Variants in U2AF1L4 observed in about 807,000 individuals in gnomAD.
The protein encoded by U2AF1L4 is U2 small nuclear RNA auxiliary factor 1 like 4.
In U2AF1L4, 21 loss-of-function variants were observed where a neutral mutation model predicts 21.7. The observed-to-expected ratio is 0.97, with a 90% CI of 0.69 to 1.39. The LOEUF (loss-of-function observed/expected upper bound fraction) is 1.39. Among genes scored for constraint, U2AF1L4 ranks in the 40% most tolerant of loss-of-function variants. The pLI, the probability that U2AF1L4 is intolerant of heterozygous loss-of-function variation, is 0.00. For synonymous variants in U2AF1L4, 92 were observed against 89.7 expected, an observed-to-expected ratio of 1.03 and a Z score of -0.15; for missense variants, 259 against 245.7, an observed-to-expected ratio of 1.05 and a Z score of -0.36.
intron 3 of U2AF1L4, 76 bp downstream of exon 3, chr19:35,744,247 C>G: frequency 1.9e-6 from 3 of 1,606,742 alleles, no homozygotes; most frequent in Non-Finnish European, 2.6e-6. Flanking sequence ...GAAATTCAAG[C>G]TGAGAGCCTA....
At chr19:35,744,187 A>G (rs1970440964) in intron 3 of U2AF1L4, 42 bp from the exon 4 acceptor site, 1 of 1,609,930 alleles carries the variant, frequency 6.2e-7, no homozygotes, top group East Asian at 2.2e-5. Context: ...GAACTCAGAG[A>G]TCTTCAGGGG....
Position 35,744,517 on chromosome 19 carries a change from G to A in U2AF1L4, c.133-96C>T, listed in dbSNP as rs761760685. 3.1e-6 allele frequency: 5 copies of A among 1,603,514 alleles called. No homozygotes were observed. The Admixed American group carries it at 6.8e-5, about 22-fold the overall frequency. ...TCGAAGAAGCTATCATAGTGCTCCT[G>A]CACCTCCACGTCACTCACATGACCT... is the stretch of plus-strand genomic sequence containing the variant. On this transcript the variant is annotated intron_variant, in intron 2 of 5. Transcript: ENST00000378975.
Position 35,745,375 on chromosome 19 carries a change from G to T in U2AF1L4, c.17C>A (p.Ala6Asp). The T allele has an allele frequency of 1.2e-6, 2 of 1,613,690 alleles. No homozygotes were observed. Among genetic ancestry groups the T allele is most frequent in the Non-Finnish European group, 1.7e-6 (2 of 1,179,832 alleles). MAEYL[A>D]SIFGTEKDKV... ...GTCCTTCTCAGTCCCGAATATCGAA[G>T]CTAAATATTCAGCCATTTTTACCCA... Residue 6 changes from alanine (A) to aspartate (D), a missense_variant, in exon 1 of 6, where the codon GCT becomes GAT. Ala to Asp is a moderately radical substitution (Grantham distance 126). Coordinates refer to ENST00000378975, the MANE Select transcript of U2AF1L4 (RefSeq NM_001040425.3).
chr19:35,745,237 T>C (rs760200627), intron 1 of U2AF1L4, 25 bp from the exon 2 acceptor site: 2 of 1,611,436 alleles, frequency 1.2e-6, no homozygotes, highest in East Asian at 4.5e-5. Flanking sequence ...AAGACAAAGG[T>C]GAACCGAGGG....
chr19:35,744,306 T>TG lies in U2AF1L4; in HGVS notation c.231+16dup, dbSNP rs779652566. The TG allele has an allele frequency of 4.3e-6, 7 of 1,613,700 alleles. No homozygotes were observed. The Admixed American group carries it at 5.0e-5, about 12-fold the overall frequency. ...AACGCCTCCACTTCTGGGCCCTAAG[T>TG]GGGGGGCAGCAAGCACCTTGACATA... On this transcript the variant is annotated intron_variant, in intron 3 of 5. Coordinates refer to ENST00000378975, the MANE Select transcript of U2AF1L4 (RefSeq NM_001040425.3).
rs141464623 is a variant in U2AF1L4, at chr19:35,742,767, T to A, written c.498A>T (p.Arg166=). The A allele has an allele frequency of 3.1e-6, 5 of 1,610,170 alleles. No homozygotes were observed. Among genetic ancestry groups the A allele is most frequent in the Non-Finnish European group, 4.2e-6 (5 of 1,179,236 alleles). ...PPRFHTGHHP[R]ERNHRCSPDH... is the part of the protein sequence containing the mutation. The stretch of plus-strand genomic sequence containing the variant: ...CAGGGGAACACCGATGGTTCCTCTC[T>A]CGGGGATGGTGGCCAGTATGGAACC... Residue 166 remains arginine, a synonymous_variant, in exon 6 of 6, where the codon CGA becomes CGT. Coordinates refer to ENST00000378975, the MANE Select transcript of U2AF1L4 (RefSeq NM_001040425.3).
At chr19:35,743,972 T>A (rs746950085) in intron 4 of U2AF1L4, 40 bp downstream of exon 4, 13 of 1,609,598 alleles carry the variant, frequency 8.1e-6, no homozygotes, top group Non-Finnish European at 1.1e-5. Flanking sequence ...ATTCAAAGTC[T>A]GGGATTCCAA....
intron 2 of U2AF1L4, chr19:35,744,776 G>A (rs1291161132): frequency 1.4e-6 from 2 of 1,466,606 alleles, no homozygotes; most frequent in African/African-American, 2.8e-5. Context: ...GGTTGGGGGT[G>A]GAACCTTACA....
intron 5 of U2AF1L4, chr19:35,743,244 G>A (rs1970354335): frequency 3.5e-6 from 1 of 281,800 alleles, no homozygotes; most frequent in Admixed American, 5.3e-5. Flanking sequence ...ATGGTGGCAG[G>A]TGCCTATAAT....
Position 35,742,623 on chromosome 19 carries a change from G to A in U2AF1L4, c.*96C>T. ...TTACATTATGGAGCCCGGGAGCCTG[G>A]GAAGGATGGGGCAGGAGAGTGAAGG... is the stretch of plus-strand genomic sequence containing the variant. On this transcript the variant is annotated 3_prime_UTR_variant, in exon 6 of 6. Transcript: ENST00000378975. The A allele has an allele frequency of 1.2e-6, 2 of 1,613,918 alleles. No homozygotes were observed. The highest frequency in any genetic ancestry group is 1.7e-5 in the Admixed American group (1 of 60,022).
At chr19:35,744,963 G>T (rs1023612771) in intron 2 of U2AF1L4, 162 bp downstream of exon 2, 8 of 776,568 alleles carry the variant, frequency 1.0e-5, no homozygotes, top group Non-Finnish European at 1.6e-5. Context: ...AAAACGGCAC[G>T]AAGACCGGTG....
Position 35,742,540 on chromosome 19 carries a change from G to A in U2AF1L4, c.*179C>T, listed in dbSNP as rs548394041. On this transcript the variant is annotated 3_prime_UTR_variant, in exon 6 of 6. Coordinates refer to ENST00000378975, the MANE Select transcript of U2AF1L4 (RefSeq NM_001040425.3). Reference sequence around the variant, plus strand: ...AGCAAAAGCAAGTTGATGCCGAAGTGAAACACGCAGCTTTATTAAGACAGG... The same window carrying A: ...AGCAAAAGCAAGTTGATGCCGAAGTAAAACACGCAGCTTTATTAAGACAGG... The A allele has an allele frequency of 1.2e-6, 2 of 1,611,690 alleles. No homozygotes were observed. The highest frequency in any genetic ancestry group is 1.3e-5 in the African/African-American group (1 of 75,030).
rs1382962901 is a variant in U2AF1L4 at position 35,744,263 on chromosome 19, G to C, written c.231+60C>G. On this transcript the variant is annotated intron_variant, in intron 3 of 5. Coordinates refer to ENST00000378975, the MANE Select transcript of U2AF1L4 (RefSeq NM_001040425.3). The stretch of plus-strand genomic sequence containing the variant: ...AAATTCAAGCTGAGAGCCTACAGTG[G>C]CCACCATCAGGCATTGAAACGCCTC... 5.0e-6 allele frequency: 8 copies of C among 1,608,562 alleles called. No homozygotes were observed. The Admixed American group carries it at 5.0e-5, about 10-fold the overall frequency.
At chr19:35,743,415 G>T (rs1167843759) in intron 5 of U2AF1L4, 1 of 247,338 alleles carries the variant, frequency 4.0e-6, no homozygotes, top group Non-Finnish European at 7.9e-6. Context: ...AGTCAGCCGG[G>T]AGTGGTGGCT....
rs1366249335 is a variant in U2AF1L4 at position 35,744,366 on chromosome 19, C to T, written c.188G>A (p.Cys63Tyr). The T allele has an allele frequency of 6.2e-7, 1 of 1,614,174 alleles. No individual in the cohort carries two copies. Among genetic ancestry groups the T allele is most frequent in the Non-Finnish European group, 8.5e-7 (1 of 1,180,036 alleles). ...KYGEIEEMNV[C>Y]DNLGDHLVGN... is the part of the protein sequence containing the mutation. ...CACGAGGTGGTCCCCAAGGTTGTCG[C>T]ACACATTCATCTCTTCAATCTCCCC... is the stretch of plus-strand genomic sequence containing the variant. Residue 63 changes from cysteine to tyrosine, a missense_variant, in exon 3 of 6, where the codon TGC becomes TAC. Cys to Tyr is a radical substitution (Grantham distance 194, BLOSUM62 -2). Coordinates refer to ENST00000378975, the MANE Select transcript of U2AF1L4 (RefSeq NM_001040425.3).
At chr19:35,744,960 C>A in intron 2 of U2AF1L4, 165 bp downstream of exon 2, 1 of 772,040 alleles carries the variant, frequency 1.3e-6, no homozygotes, top group Non-Finnish European at 2.0e-6. Flanking sequence ...GGGAAAACGG[C>A]ACGAAGACCG....
At chr19:35,744,571 A>G in intron 2 of U2AF1L4, 150 bp from the exon 3 acceptor site, 1 of 1,551,590 alleles carries the variant, frequency 6.4e-7, no homozygotes, top group Non-Finnish European at 8.7e-7. Flanking sequence ...GTGGAATCAG[A>G]GTGTAGCCTA....
At position 35,745,402 on chromosome 19, in the gene U2AF1L4, G is replaced by A; in HGVS notation, c.-11C>T. ...TAAATATTCAGCCATTTTTACCCAA[G>A]CCCTCCAGGTCTGGCTGCTCTTACG... On this transcript the variant is annotated 5_prime_UTR_variant, in exon 1 of 6. Transcript: ENST00000378975. 6.2e-7 allele frequency: 1 copy of A among 1,613,926 alleles called. No individual in the cohort carries two copies. Among genetic ancestry groups the A allele is most frequent in the Non-Finnish European group, 8.5e-7 (1 of 1,179,934 alleles).
At position 35,742,811 on chromosome 19, in the gene U2AF1L4, T is replaced by A. The variant is rs929013990; in HGVS notation, c.462-8A>T. On this transcript the variant is annotated splice_polypyrimidine_tract_variant and splice_region_variant and intron_variant, in intron 5 of 5. Transcript: ENST00000378975. ...TGGAACCTCGGGGGTGACCTGGGAATAGGAGCGTTGAGAGTTCTGTTAGAA... is the reference window on the plus strand; with the variant it reads ...TGGAACCTCGGGGGTGACCTGGGAAAAGGAGCGTTGAGAGTTCTGTTAGAA... 4.4e-6 allele frequency: 7 copies of A among 1,608,448 alleles called. No homozygotes were observed. The Admixed American group carries it at 1.2e-4, about 27-fold the overall frequency.
Sources: gnomAD v4.1 joint callset for allele counts on GRCh38, gnomAD v4.1.1 for gene constraint, MANE v1.5 for transcripts, NCBI Gene and HGNC (gene_info 2026-07-23, HGNC 2026-07-21) for gene names.